The following ATF7IP2 variants were observed in gnomAD, a reference collection of about 807,000 sequenced individuals.
ATF7IP2 encodes activating transcription factor 7-interacting protein 2.
In ATF7IP2, 42 loss-of-function variants were observed where a neutral mutation model predicts 64.2. That is an observed-to-expected ratio of 0.65 (90% CI 0.51 to 0.85). The LOEUF (loss-of-function observed/expected upper bound fraction) is 0.85, where lower values mean the gene tolerates loss of function less well. ATF7IP2 is among the 40% of genes least tolerant of loss of function. The probability of loss-of-function intolerance (pLI) is 0.00; values close to 1 mark genes in which losing one functional copy is unlikely to be tolerated. For missense variants in ATF7IP2, 933 were observed against 784.2 expected (o/e 1.19, Z -2.27); for synonymous variants, 308 against 272.8 (o/e 1.13, Z -1.27).
chr16:10,412,010 G>GGTTTTTTTTTGTTT (rs1476575065), intron 1 of ATF7IP2, among the ~76,000 whole-genome samples: 1 of 58,390 alleles, frequency 1.7e-5, no homozygotes, highest in African/African-American at 6.1e-5. Context: ...ATCTTTTTTT[G>GGTTTTTTTTTGTTT]TTTTTTTTTT....
At chr16:10,422,008 G>T (rs557841463) in intron 3 of ATF7IP2, among the ~76,000 whole-genome samples, 57 of 152,316 alleles carry the variant, frequency 3.7e-4, no homozygotes, top group African/African-American at 1.3e-3. Context: ...TGGCTGCAAT[G>T]CCCCCATAGG....
At chr16:10,403,302 C>T (rs538447196) in intron 1 of ATF7IP2, among the ~76,000 whole-genome samples, 1 of 152,278 alleles carries the variant, frequency 6.6e-6, no homozygotes, top group South Asian at 2.1e-4. Flanking sequence ...ATGCTGGCTA[C>T]TCAAGAGGTT....
intron 1 of ATF7IP2, among the ~76,000 whole-genome samples, chr16:10,407,867 G>A (rs1156977584): frequency 6.6e-6 from 1 of 151,570 alleles, no homozygotes; most frequent in Non-Finnish European, 1.5e-5. Flanking sequence ...CTACTTGTGA[G>A]TGAGAACATG....
At chr16:10,398,318 A>G (rs573063323) in intron 1 of ATF7IP2, among the ~76,000 whole-genome samples, 12 of 145,106 alleles carry the variant, frequency 8.3e-5, no homozygotes, top group African/African-American at 3.4e-4. Flanking sequence ...AAAAAAAAAT[A>G]ATAATAAATA....
chr16:10,394,872 A>T (rs1311898861), intron 1 of ATF7IP2, among the ~76,000 whole-genome samples: 2 of 152,168 alleles, frequency 1.3e-5, no homozygotes, highest in Non-Finnish European at 2.9e-5. Context: ...GAAAATTTAT[A>T]GTGATAAATG....
At chr16:10,441,019 G>A (rs1213054465) in intron 8 of ATF7IP2, among the ~76,000 whole-genome samples, 4 of 152,126 alleles carry the variant, frequency 2.6e-5, no homozygotes, top group South Asian at 2.1e-4. Flanking sequence ...TTCTGTTCTC[G>A]TGTTAGTTTG....
At chr16:10,399,200 G>C (rs753538390) in intron 1 of ATF7IP2, among the ~76,000 whole-genome samples, 7 of 152,078 alleles carry the variant, frequency 4.6e-5, no homozygotes, top group Non-Finnish European at 5.9e-5. Context: ...TTGTACAACG[G>C]TATTGTTGAA....
At chr16:10,393,724 A>G (rs2047372763) in intron 1 of ATF7IP2, among the ~76,000 whole-genome samples, 1 of 152,150 alleles carries the variant, frequency 6.6e-6, no homozygotes, top group South Asian at 2.1e-4. Context: ...ATGTAATACT[A>G]CTGCAAGTCA....
At chr16:10,395,904 A>T (rs1200656148) in intron 1 of ATF7IP2, among the ~76,000 whole-genome samples, 1 of 152,114 alleles carries the variant, frequency 6.6e-6, no homozygotes, top group Admixed American at 6.6e-5. Flanking sequence ...GTACTGGAGG[A>T]TCTAGTCAGG....
intron 1 of ATF7IP2, among the ~76,000 whole-genome samples, chr16:10,392,759 C>T (rs2047351453): frequency 6.6e-6 from 1 of 150,522 alleles, no homozygotes; most frequent in Non-Finnish European, 1.5e-5. Context: ...GAGGCCAATG[C>T]AGGAGGATTT....
intron 9 of ATF7IP2, among the ~76,000 whole-genome samples, chr16:10,464,021 G>A (rs1427473107): frequency 1.3e-5 from 2 of 152,174 alleles, no homozygotes; most frequent in African/African-American, 4.8e-5. Flanking sequence ...TGGCTGGGTT[G>A]ACAAATGCCT....
chr16:10,482,924 G>C lies in ATF7IP2; in HGVS notation c.*675G>C, dbSNP rs1036020800. On this transcript the variant is annotated 3_prime_UTR_variant, in exon 14 of 14. Transcript: ENST00000562102. ...AGATGAGGTTTCACCTTGTTGGTCA[G>C]GCTGGTCTCAAACTCCTGACCTCAG... 1.3e-5 allele frequency: 2 copies of C among 152,170 alleles called. No homozygotes were observed. Among genetic ancestry groups the C allele is most frequent in the Non-Finnish European group, 2.9e-5 (2 of 68,052 alleles). 9.4% of individuals were successfully genotyped at this position (152,170 alleles called of 1,614,324 possible).
chr16:10,404,835 G>C (rs1202904873), intron 1 of ATF7IP2, among the ~76,000 whole-genome samples: 1 of 152,090 alleles, frequency 6.6e-6, no homozygotes. Context: ...GAACCAGTGG[G>C]CCCAACCAGA....
Position 10,431,134 on chromosome 16 carries a change from A to G in ATF7IP2, c.514A>G (p.Ser172Gly). ...TCTAAAGTCCAGTTGCTGTCCACCC[A>G]GTGTATTGAGTGGTGTTGTTCAGAT... ...CSLKSSCCPP[S>G]VLSGVVQMPE... Residue 172 changes from serine to glycine, a missense_variant, in exon 5 of 14, where the codon AGT becomes GGT. Transcript: ENST00000562102. 1 of 1,614,174 alleles carries G rather than the reference A, an allele frequency of 6.2e-7. No individual in the cohort carries two copies. The highest frequency in any genetic ancestry group is 8.5e-7 in the Non-Finnish European group (1 of 1,180,028).
At chr16:10,394,978 A>G (rs2141749577) in intron 1 of ATF7IP2, among the ~76,000 whole-genome samples, 1 of 152,250 alleles carries the variant, frequency 6.6e-6, no homozygotes, top group Middle Eastern at 3.4e-3. Flanking sequence ...AGAATGTAGG[A>G]AAAAATTAGT....
chr16:10,390,486 G>GA (rs1286318814), intron 1 of ATF7IP2, among the ~76,000 whole-genome samples: 1 of 152,010 alleles, frequency 6.6e-6, no homozygotes, highest in Non-Finnish European at 1.5e-5. Flanking sequence ...TGAGAAATTA[G>GA]AAAAAAAGGT....
Position 10,431,499 on chromosome 16 carries a change from A to G in ATF7IP2, c.835+44A>G, listed in dbSNP as rs377726892. 10 of 1,321,970 alleles carry G rather than the reference A, an allele frequency of 7.6e-6. No homozygotes were observed. The Middle Eastern group carries it at 5.8e-4, about 77-fold the overall frequency. The allele number at this position is 1,321,970 out of a possible 1,614,324, so 81.9% of individuals were successfully genotyped here. ...ACCTTTTAGAAAAATTAAAATAGTCACTTTTCTTTAGGGTATTTTAAAGTC... is the reference window on the plus strand; with the variant it reads ...ACCTTTTAGAAAAATTAAAATAGTCGCTTTTCTTTAGGGTATTTTAAAGTC... On this transcript the variant is annotated intron_variant, in intron 5 of 13. Transcript: ENST00000562102.
rs565752369 is a variant in ATF7IP2 at position 10,407,431 on chromosome 16, A to C, written c.-241-7143A>C. On this transcript the variant is annotated intron_variant, in intron 1 of 13. Coordinates refer to ENST00000562102, the MANE Select transcript of ATF7IP2 (RefSeq NM_001393719.1). ...GGGGCATGCAAATTGGGAAGGAAGA[A>C]GTCAAATTGTCCTTATTTACAGATG... 2.0e-5 allele frequency among the ~76,000 whole-genome samples: 3 copies of C among 152,324 alleles called. No homozygotes were observed. The South Asian group carries it at 6.2e-4, about 32-fold the overall frequency.
At chr16:10,452,081 T>C (rs1047560118) in intron 8 of ATF7IP2, among the ~76,000 whole-genome samples, 2 of 151,992 alleles carry the variant, frequency 1.3e-5, no homozygotes, top group African/African-American at 4.8e-5. Context: ...TTTAGCTCAT[T>C]GGAGTTTGTT....
Sources: gnomAD v4.1 joint callset for allele counts (sites outside exome capture counted in the v4.1 genomes callset) on GRCh38, gnomAD v4.1.1 for gene constraint, MANE v1.5 for transcripts, NCBI Gene and HGNC (gene_info 2026-07-23, HGNC 2026-07-21) for gene names.